DNAH12: variants seen among roughly 807,000 people sequenced by gnomAD.
DNAH12 encodes axonemal beta dynein heavy chain 12.
A neutral mutation model predicts 371.5 loss-of-function variants in DNAH12; 285 were observed. The observed-to-expected ratio is 0.77, with a 90% CI of 0.70 to 0.85. The LOEUF (loss-of-function observed/expected upper bound fraction) is 0.85, where lower values mean the gene tolerates loss of function less well. DNAH12 is among the 40% of genes least tolerant of loss of function. DNAH12 has a pLI of 0.00. For synonymous variants in DNAH12, 1,200 were observed against 1,213.0 expected, an observed-to-expected ratio of 0.99 and a Z score of 0.22; for missense variants, 3,611 against 3,689.4, an observed-to-expected ratio of 0.98 and a Z score of 0.55.
At chr3:57,520,073 T>A (rs1377663311) in intron 4 of DNAH12, 3 of 505,376 alleles carry the variant, frequency 5.9e-6, no homozygotes, top group Non-Finnish European at 1.0e-5. Context: ...GTGGCGGCTC[T>A]GTGGCTACAG....
chr3:57,508,200 CAA>C (rs11288020), intron 7 of DNAH12, among the ~76,000 whole-genome samples, 180 bp downstream of exon 7: 15,379 of 129,094 alleles, frequency 0.12, 943 homozygotes, highest in South Asian at 0.16. Flanking sequence ...AAAAAAAAAA[CAA>C]AAAAAAAAAA....
At chr3:57,343,538 A>T (rs561158343) in intron 60 of DNAH12, among the ~76,000 whole-genome samples, 18 of 152,380 alleles carry the variant, frequency 1.2e-4, no homozygotes, top group Non-Finnish European at 2.4e-4. Context: ...TGCCCTTGAA[A>T]GCTGGGTATT....
Position 57,413,863 on chromosome 3 carries a change from G to T in DNAH12, c.5903C>A (p.Pro1968Gln). 1.9e-6 allele frequency: 3 copies of T among 1,550,960 alleles called. No individual in the cohort carries two copies. The highest frequency in any genetic ancestry group is 2.6e-6 in the Non-Finnish European group (3 of 1,146,682). The change falls in exon 39 of 74, where the codon CCA (proline) becomes CAA (glutamine). Residue 1968 changes from proline to glutamine, a missense_variant. Physicochemically the swap from Pro to Gln is moderately conservative, Grantham distance 76. Coordinates refer to ENST00000495027, the MANE Select transcript of DNAH12 (RefSeq NM_001366028.2). ...LDKRRKGVFG[P>Q]PMGKKCIIFI... is the part of the protein sequence containing the mutation. ...AATTATACACTTCTTTCCCATAGGT[G>T]GTCCAAAGACTCCTTTGCGTCTTTT...
rs75769303 is a variant in DNAH12, at chr3:57,428,693, C to T, written c.5193G>A (p.Leu1731=). 5,083 of 1,551,032 alleles carry T rather than the reference C, an allele frequency of 3.3e-3. 116 individuals are homozygous for T. In the African/African-American group the frequency reaches 0.058, roughly 18 times the overall value. ...GTATTAACCAGGCAAAAAGTCCTCT[C>T]AGAAGAGCTTGATATTCTGGTTCAC... The part of the protein sequence containing the change: ...PLCEPEYQAL[L]RGLFAWLIPP... The change falls in exon 34 of 74, where the codon CTG becomes CTA. Residue 1731 remains leucine, a synonymous_variant. Coordinates refer to ENST00000495027, the MANE Select transcript of DNAH12 (RefSeq NM_001366028.2).
At chr3:57,308,861 A>C (rs1439541488) in intron 69 of DNAH12, among the ~76,000 whole-genome samples, 4 of 152,130 alleles carry the variant, frequency 2.6e-5, no homozygotes, top group African/African-American at 9.7e-5. Context: ...TTTAATTCAT[A>C]CAAAACCGTA....
chr3:57,330,161 C>G (rs527587469), intron 62 of DNAH12, among the ~76,000 whole-genome samples: 19 of 151,758 alleles, frequency 1.3e-4, no homozygotes, highest in African/African-American at 4.1e-4. Flanking sequence ...ATGGTGATTC[C>G]TCAGGGATCT....
intron 2 of DNAH12, among the ~76,000 whole-genome samples, chr3:57,528,617 C>T (rs2068730728): frequency 0.026 from 1 of 38 alleles, no homozygotes; most frequent in Admixed American, 0.17. Flanking sequence ...CCCAGCTACT[C>T]GGGAGGCTTG....
intron 73 of DNAH12, among the ~76,000 whole-genome samples, chr3:57,294,765 C>A (rs2061199092): frequency 6.6e-6 from 1 of 152,086 alleles, no homozygotes; most frequent in Admixed American, 6.5e-5. Flanking sequence ...CTTACCAATT[C>A]ATGAAAAGAA....
At chr3:57,479,021 G>A (rs1346378001) in intron 13 of DNAH12, among the ~76,000 whole-genome samples, 5 of 152,080 alleles carry the variant, frequency 3.3e-5, no homozygotes, top group Non-Finnish European at 7.4e-5. Context: ...ATCAAGTAAC[G>A]AGCAAAATAA....
intron 52 of DNAH12, among the ~76,000 whole-genome samples, chr3:57,377,988 A>G (rs2063316105): frequency 6.6e-6 from 1 of 152,170 alleles, no homozygotes; most frequent in African/African-American, 2.4e-5. Flanking sequence ...GAGGGACAAG[A>G]GAGAGAGAGC....
intron 47 of DNAH12, among the ~76,000 whole-genome samples, chr3:57,385,894 T>TGGGTC (rs2063491480): frequency 6.6e-6 from 1 of 151,912 alleles, no homozygotes; most frequent in Non-Finnish European, 1.5e-5. Flanking sequence ...AAAGAAAGTG[T>TGGGTC]GGGTCAGTTT....
upstream of DNAH12, among the ~76,000 whole-genome samples, chr3:57,545,773 G>A (rs1363709106): frequency 6.6e-6 from 1 of 152,022 alleles, no homozygotes; most frequent in Non-Finnish European, 1.5e-5. Context: ...ACATGCCCAC[G>A]GCTCCACAGA....
At chr3:57,485,389 G>A (rs1327121408) in intron 12 of DNAH12, among the ~76,000 whole-genome samples, 3 of 150,632 alleles carry the variant, frequency 2.0e-5, no homozygotes, top group Non-Finnish European at 4.4e-5. Context: ...AACTTGGATG[G>A]AGCTGGAGGC....
intron 65 of DNAH12, among the ~76,000 whole-genome samples, chr3:57,318,286 T>G (rs2061729907): frequency 6.6e-6 from 1 of 152,194 alleles, no homozygotes; most frequent in Admixed American, 6.5e-5. Context: ...GTTTTACAGT[T>G]TCAAATCTTA....
chr3:57,541,378 G>C (rs1490247651), intron 2 of DNAH12, among the ~76,000 whole-genome samples: 1 of 151,888 alleles, frequency 6.6e-6, no homozygotes, highest in Non-Finnish European at 1.5e-5. Flanking sequence ...CTGCTTGTTT[G>C]AGATAGGGTC....
chr3:57,398,836 G>A (rs2063797986), intron 43 of DNAH12, among the ~76,000 whole-genome samples: 1 of 152,134 alleles, frequency 6.6e-6, no homozygotes, highest in Non-Finnish European at 1.5e-5. Context: ...AACCTAGAAT[G>A]TAACATGAAG....
At chr3:57,398,213 C>T (rs1016376462) in intron 43 of DNAH12, among the ~76,000 whole-genome samples, 4 of 152,024 alleles carry the variant, frequency 2.6e-5, no homozygotes, top group Admixed American at 1.3e-4. Flanking sequence ...GAAAACAAGT[C>T]GTTGGAAATC....
intron 43 of DNAH12, among the ~76,000 whole-genome samples, chr3:57,396,838 G>A (rs2063751962): frequency 1.3e-5 from 2 of 152,126 alleles, no homozygotes; most frequent in African/African-American, 4.8e-5. Flanking sequence ...CCAGCATGGT[G>A]AAATCCCGTC....
intron 60 of DNAH12, among the ~76,000 whole-genome samples, chr3:57,338,352 G>A (rs901053450): frequency 1.2e-4 from 19 of 152,336 alleles, no homozygotes; most frequent in Middle Eastern, 3.4e-3. Context: ...CGTGATCTCC[G>A]CCCGGCTGCC....
Sources: gnomAD v4.1 joint callset for allele counts (sites outside exome capture counted in the v4.1 genomes callset) on GRCh38, gnomAD v4.1.1 for gene constraint, MANE v1.5 for transcripts, NCBI Gene and HGNC (gene_info 2026-07-23, HGNC 2026-07-21) for gene names.